The following CREBBP variants were observed in gnomAD, a reference collection of about 807,000 sequenced individuals.
The protein encoded by CREBBP is CREB binding lysine acetyltransferase.
A neutral mutation model predicts 265.0 loss-of-function variants in CREBBP; 19 were observed. The observed-to-expected ratio is 0.07, with a 90% confidence interval of 0.05 to 0.11. The LOEUF (loss-of-function observed/expected upper bound fraction) is 0.11, where lower values mean the gene tolerates loss of function less well. Among genes scored for constraint, CREBBP ranks in the 10% least tolerant of loss-of-function variants. The probability of loss-of-function intolerance (pLI) is 1.00; values close to 1 mark genes in which losing one functional copy is unlikely to be tolerated. For synonymous variants in CREBBP, 1,457 were observed against 1,223.7 expected (o/e 1.19, Z -3.98); for missense variants, 2,525 against 3,219.0 (o/e 0.78, Z 5.22).
intron 1 of CREBBP, 64 bp from the exon 2 acceptor site, chr16:3,851,073 G>C: frequency 1.4e-6 from 2 of 1,389,960 alleles, no homozygotes; most frequent in Non-Finnish European, 2.0e-6. Flanking sequence ...CAACTGCCAC[G>C]TTTCTATGAT....
At position 3,740,632 on chromosome 16, in the gene CREBBP, T is replaced by C. The variant is rs113158448; in HGVS notation, c.3983-83A>G. ...CTGAGACTAGAGAATCCACCCCACTTTGCAGCACAGGCTGATATTTTAAAG... is the reference window on the plus strand; with the variant it reads ...CTGAGACTAGAGAATCCACCCCACTCTGCAGCACAGGCTGATATTTTAAAG... On this transcript the variant is annotated intron_variant, in intron 23 of 30. Transcript: ENST00000262367. 1.8e-4 allele frequency: 269 copies of C among 1,490,106 alleles called. 1 individual carries two copies. The African/African-American group carries it at 3.3e-3, about 18-fold the overall frequency. The allele number at this position is 1,490,106 out of a possible 1,614,324, so 92.3% of individuals were successfully genotyped here.
In CREBBP at chr16:3,728,949, G is replaced by A. The variant is rs1417486603; in HGVS notation, c.6098C>T (p.Pro2033Leu). ...QAPLPQQQPM[P>L]GLPRPVISMQ... ...GGATATCACAGGCCTGGGCAAGCCT[G>A]GCATGGGCTGCTGCTGGGGAAGGGG... The change falls in exon 31 of 31, where the codon CCA (proline) becomes CTA (leucine). Residue 2033 changes from proline (P) to leucine (L), a missense_variant. Physicochemically the swap from Pro to Leu is moderately conservative, Grantham distance 98 (BLOSUM62 -3). Transcript: ENST00000262367. The surrounding 1 kb of genome is among the most constrained non-coding windows in gnomAD (Gnocchi z 8.7). The A allele has an allele frequency of 1.3e-6, 2 of 1,599,766 alleles. No homozygotes were observed. The highest frequency in any genetic ancestry group is 1.7e-6 in the Non-Finnish European group (2 of 1,177,758).
At chr16:3,762,257 T>C (rs906094038) in intron 16 of CREBBP, among the ~76,000 whole-genome samples, 4 of 151,986 alleles carry the variant, frequency 2.6e-5, no homozygotes, top group Non-Finnish European at 5.9e-5. Flanking sequence ...GCCCCAGTGG[T>C]AATCGGGAGT....
chr16:3,849,427 GTGTGTGTGTGTGTGTGTGTGT>G (rs754892049), intron 2 of CREBBP, among the ~76,000 whole-genome samples: 507 of 16,306 alleles, frequency 0.031, 15 homozygotes, highest in East Asian at 0.11. Context: ...GTGTGTGTGT[GTGTGTGTGTGTGTGTGTGTGT>G]GTGTGTGTGT....
At chr16:3,769,488 C>G in intron 14 of CREBBP, 135 bp from the exon 15 acceptor site, 1 of 1,083,256 alleles carries the variant, frequency 9.2e-7, no homozygotes, top group African/African-American at 1.5e-5. Context: ...TCTGTGAAAC[C>G]GAAGAACAGG....
At chr16:3,790,688 C>G (rs1002071970) in intron 5 of CREBBP, among the ~76,000 whole-genome samples, 1 of 152,146 alleles carries the variant, frequency 6.6e-6, no homozygotes, top group Non-Finnish European at 1.5e-5. Flanking sequence ...TGTGGTTCTT[C>G]TGTAGGGAGG....
At chr16:3,730,094 T>C (rs1042211485) in intron 30 of CREBBP, among the ~76,000 whole-genome samples, 6 of 146,946 alleles carry the variant, frequency 4.1e-5, no homozygotes, top group East Asian at 1.9e-4. Context: ...ATGGACAACA[T>C]GGGATCATGG....
At chr16:3,853,266 T>G (rs1399154189) in intron 1 of CREBBP, among the ~76,000 whole-genome samples, 1 of 152,184 alleles carries the variant, frequency 6.6e-6, no homozygotes. Flanking sequence ...TACTGTCTAT[T>G]ATTATTACTG....
intron 1 of CREBBP, among the ~76,000 whole-genome samples, chr16:3,859,888 A>G (rs1401572603): frequency 6.6e-6 from 1 of 152,234 alleles, no homozygotes; most frequent in African/African-American, 2.4e-5. Flanking sequence ...ATAAAAAACC[A>G]GTAAACATGT....
At chr16:3,806,246 T>C (rs565272406) in intron 3 of CREBBP, among the ~76,000 whole-genome samples, 1 of 152,294 alleles carries the variant, frequency 6.6e-6, no homozygotes, top group African/African-American at 2.4e-5. Flanking sequence ...TCCTCCCGTC[T>C]ACACAGTCTT....
chr16:3,834,614 C>T (rs1262339677), intron 2 of CREBBP, among the ~76,000 whole-genome samples: 3 of 152,128 alleles, frequency 2.0e-5, no homozygotes, highest in Admixed American at 6.5e-5. Flanking sequence ...CATCATTATA[C>T]ATTTGTCCAA....
chr16:3,795,076 G>A (rs2053581034), intron 3 of CREBBP, among the ~76,000 whole-genome samples: 1 of 152,192 alleles, frequency 6.6e-6, no homozygotes, highest in South Asian at 2.1e-4. Flanking sequence ...TAGAAAATAA[G>A]TACGTAGAAA....
chr16:3,802,674 C>G (rs1363431981), intron 3 of CREBBP, among the ~76,000 whole-genome samples: 2 of 152,078 alleles, frequency 1.3e-5, no homozygotes, highest in African/African-American at 4.8e-5. Flanking sequence ...TCAAAGGACC[C>G]TGTGTTCCAA....
chr16:3,834,210 T>C (rs149272209), intron 2 of CREBBP, among the ~76,000 whole-genome samples: 2 of 152,160 alleles, frequency 1.3e-5, no homozygotes, highest in Non-Finnish European at 2.9e-5. Flanking sequence ...ATTTTTGCAG[T>C]TTCTCACAAA....
At chr16:3,845,822 G>A (rs956681696) in intron 2 of CREBBP, among the ~76,000 whole-genome samples, 1 of 150,436 alleles carries the variant, frequency 6.6e-6, no homozygotes, top group Non-Finnish European at 1.5e-5. Flanking sequence ...AGGAGGCAGA[G>A]GTTGCAGTGA....
chr16:3,861,191 A>G (rs1011959110), intron 1 of CREBBP, among the ~76,000 whole-genome samples: 6 of 152,184 alleles, frequency 3.9e-5, no homozygotes, highest in African/African-American at 1.4e-4. Context: ...CTGAGGCAGG[A>G]GAATCACTGG....
At chr16:3,814,215 CTGTGTGTGTG>C (rs6145729) in intron 2 of CREBBP, among the ~76,000 whole-genome samples, 16,494 of 103,920 alleles carry the variant, frequency 0.16, 1,262 homozygotes, top group Middle Eastern at 0.26. Context: ...GAGTCTCGTT[CTGTGTGTGTG>C]TGTGTGTGTG....
rs749069343 is a variant in CREBBP, at chr16:3,729,137, C to T, written c.5910G>A (p.Gln1970=). ...RQIEREAQQQ[Q]HLYRVNINNS... is the part of the protein sequence containing the mutation. ...TGTTGATGTTCACCCGGTACAGGTG[C>T]TGCTGCTGCTGGGCCTCACGCTCGA... Residue 1970 remains glutamine, a synonymous_variant, in exon 31 of 31, where the codon CAG becomes CAA. Transcript: ENST00000262367. The T allele has an allele frequency of 6.5e-7, 1 of 1,535,914 alleles. No homozygotes were observed. The highest frequency in any genetic ancestry group is 1.9e-5 in the Admixed American group (1 of 53,928).
At chr16:3,777,986 T>C (rs376795540) in intron 10 of CREBBP, 25 bp downstream of exon 10, 13 of 1,612,744 alleles carry the variant, frequency 8.1e-6, no homozygotes, top group Middle Eastern at 1.6e-4. Flanking sequence ...GGCTAAGGGA[T>C]GGCAGTAGGA....
Sources: gnomAD v4.1 joint callset for allele counts (sites outside exome capture counted in the v4.1 genomes callset) on GRCh38, gnomAD v4.1.1 for gene constraint, Gnocchi (gnomAD v3.1) non-coding constraint, MANE v1.5 for transcripts, NCBI Gene and HGNC (gene_info 2026-07-23, HGNC 2026-07-21) for gene names.